MARCHF1: variants seen among roughly 807,000 people sequenced by gnomAD.
MARCHF1 encodes the protein E3 ubiquitin-protein ligase MARCHF1.
Under a neutral mutation model 54.2 loss-of-function variants are expected in MARCHF1, and 40 were observed. The observed-to-expected ratio is 0.74, with a 90% CI of 0.57 to 0.96. The LOEUF (loss-of-function observed/expected upper bound fraction) is 0.96, where lower values mean the gene tolerates loss of function less well. Ranked by LOEUF, MARCHF1 falls within the 40% of genes least tolerant of loss-of-function variation. MARCHF1 has a pLI of 0.00. For synonymous variants in MARCHF1, 236 were observed against 236.3 expected, an observed-to-expected ratio of 1.00 and a Z score of 0.01; for missense variants, 586 against 656.5, an observed-to-expected ratio of 0.89 and a Z score of 1.17.
intron 4 of MARCHF1, among the ~76,000 whole-genome samples, chr4:163,751,461 A>G (rs1035625344): frequency 6.6e-6 from 1 of 152,104 alleles, no homozygotes; most frequent in East Asian, 1.9e-4. Flanking sequence ...ATATGTAGAG[A>G]ATGCAAGTTT....
At chr4:164,219,733 A>G (rs1306360410) in intron 1 of MARCHF1, among the ~76,000 whole-genome samples, 1 of 152,048 alleles carries the variant, frequency 6.6e-6, no homozygotes, top group African/African-American at 2.4e-5. Context: ...TAAAAGTCCA[A>G]TGACTCGGAT....
chr4:163,851,807 A>T (rs1247210436), intron 4 of MARCHF1, among the ~76,000 whole-genome samples: 1 of 152,168 alleles, frequency 6.6e-6, no homozygotes, highest in Admixed American at 6.5e-5. Context: ...TGTTCCACAC[A>T]ATCTCTTCCA....
At chr4:164,173,645 T>C (rs1171420816) in intron 1 of MARCHF1, among the ~76,000 whole-genome samples, 4 of 152,170 alleles carry the variant, frequency 2.6e-5, no homozygotes, top group Non-Finnish European at 5.9e-5. Context: ...TAAGATCATG[T>C]GAGAGCCGGT....
At chr4:163,807,925 T>C (rs933655425) in intron 4 of MARCHF1, among the ~76,000 whole-genome samples, 6 of 152,158 alleles carry the variant, frequency 3.9e-5, no homozygotes, top group African/African-American at 7.2e-5. Context: ...ACTTTGCTAA[T>C]AGTATTTTTT....
At chr4:164,177,822 CA>C in intron 1 of MARCHF1, among the ~76,000 whole-genome samples, 1 of 150,938 alleles carries the variant, frequency 6.6e-6, no homozygotes, top group Non-Finnish European at 1.5e-5. Context: ...CACACACACA[CA>C]CACACACACA....
chr4:163,601,300 T>C (rs1017998224), intron 7 of MARCHF1, among the ~76,000 whole-genome samples: 4 of 152,144 alleles, frequency 2.6e-5, no homozygotes, highest in Admixed American at 2.0e-4. Context: ...ACACACAATG[T>C]TTATTTTCTG....
intron 1 of MARCHF1, among the ~76,000 whole-genome samples, chr4:164,122,560 G>A (rs867532488): frequency 1.3e-5 from 2 of 151,980 alleles, no homozygotes; most frequent in Admixed American, 1.3e-4. Context: ...ACCAATCTAT[G>A]AGCCCTATAT....
chr4:164,189,297 TG>T, intron 1 of MARCHF1: 1 of 593,852 alleles, frequency 1.7e-6, no homozygotes, highest in Non-Finnish European at 3.1e-6. Flanking sequence ...AAGCAAGAAT[TG>T]AAATTGAGTC....
intron 1 of MARCHF1, among the ~76,000 whole-genome samples, chr4:164,164,934 A>G (rs1222169345): frequency 1.3e-5 from 2 of 152,044 alleles, no homozygotes; most frequent in Admixed American, 1.3e-4. Flanking sequence ...ACTAGAGGAA[A>G]GCATCTAGAA....
At chr4:163,892,614 TA>T (rs1182324829) in intron 3 of MARCHF1, among the ~76,000 whole-genome samples, 1 of 149,112 alleles carries the variant, frequency 6.7e-6, no homozygotes, top group Non-Finnish European at 1.5e-5. Flanking sequence ...AAAATAAAAA[TA>T]AAAAAATAAA....
At chr4:163,704,063 T>C (rs1435595459) in intron 4 of MARCHF1, among the ~76,000 whole-genome samples, 2 of 151,762 alleles carry the variant, frequency 1.3e-5, no homozygotes, top group Non-Finnish European at 2.9e-5. Context: ...CTGTATACTA[T>C]GTCATTGACT....
At position 163,745,964 on chromosome 4, in the gene MARCHF1, A is replaced by AC. The variant is rs1746349019; in HGVS notation, c.112-45102dup. On this transcript the variant is annotated intron_variant, in intron 4 of 9. Transcript: ENST00000514618. ...GTGCATAGCCTCCCCCATTATCAAC[A>AC]CCCCCCACCAGAGTGGTACATTTGT... Among the ~76,000 whole-genome samples the AC allele has an allele frequency of 2.0e-5, 3 of 151,340 alleles. 1 individual carries two copies. Among genetic ancestry groups the AC allele is most frequent in the Admixed American group, 6.6e-5 (1 of 15,172 alleles).
At chr4:164,345,273 A>G (rs1730054390) in intron 1 of MARCHF1, among the ~76,000 whole-genome samples, 1 of 152,128 alleles carries the variant, frequency 6.6e-6, no homozygotes, top group African/African-American at 2.4e-5. Flanking sequence ...CAATTAAAAA[A>G]ATAAAATGTA....
At chr4:164,238,251 G>A (rs1274869208) in intron 1 of MARCHF1, among the ~76,000 whole-genome samples, 1 of 151,970 alleles carries the variant, frequency 6.6e-6, no homozygotes, top group African/African-American at 2.4e-5. Context: ...CTGGGCACTT[G>A]GGAACCCATT....
intron 3 of MARCHF1, among the ~76,000 whole-genome samples, chr4:163,855,734 T>C (rs941208420): frequency 2.5e-4 from 38 of 152,214 alleles, no homozygotes; most frequent in African/African-American, 9.2e-4. Context: ...ATGAAGAACA[T>C]AATTGTGTGG....
intron 3 of MARCHF1, among the ~76,000 whole-genome samples, chr4:163,887,582 C>T (rs978329845): frequency 4.6e-5 from 7 of 152,086 alleles, no homozygotes; most frequent in Admixed American, 1.3e-4. Flanking sequence ...AAGTGATGCA[C>T]ATGAACATGA....
intron 3 of MARCHF1, among the ~76,000 whole-genome samples, chr4:163,955,212 T>TAAAAA (rs574633631): frequency 1.7e-4 from 19 of 111,792 alleles, no homozygotes; most frequent in South Asian, 2.8e-4. Context: ...TACTGAACAT[T>TAAAAA]AAAAAAAAAA....
At chr4:164,008,617 A>C (rs1753347399) in intron 2 of MARCHF1, among the ~76,000 whole-genome samples, 1 of 152,126 alleles carries the variant, frequency 6.6e-6, no homozygotes, top group South Asian at 2.1e-4. Context: ...AAAAAAAGGC[A>C]GAAATCATGT....
At chr4:164,005,222 T>G (rs1451128394) in intron 2 of MARCHF1, among the ~76,000 whole-genome samples, 1 of 152,156 alleles carries the variant, frequency 6.6e-6, no homozygotes, top group Admixed American at 6.5e-5. Context: ...TTTAAATTTC[T>G]TTAAAAATGT....
Sources: gnomAD v4.1 joint callset for allele counts (sites outside exome capture counted in the v4.1 genomes callset) on GRCh38, gnomAD v4.1.1 for gene constraint, MANE v1.5 for transcripts, NCBI Gene and HGNC (gene_info 2026-07-23, HGNC 2026-07-21) for gene names.